PSTPIP2: variants seen among roughly 807,000 people sequenced by gnomAD.
PSTPIP2 encodes the protein proline-serine-threonine phosphatase-interacting protein 2.
In PSTPIP2, 33 loss-of-function variants were observed where a neutral mutation model predicts 63.3. The observed-to-expected ratio is 0.52, with a 90% confidence interval of 0.40 to 0.70. PSTPIP2 has a LOEUF of 0.70. Ranked by LOEUF, PSTPIP2 falls within the 30% of genes least tolerant of loss-of-function variation. PSTPIP2 has a pLI of 0.00. For synonymous variants in PSTPIP2, 125 were observed against 132.7 expected (o/e 0.94, Z 0.40); for missense variants, 312 against 400.7 (o/e 0.78, Z 1.89).
At chr18:46,003,613 T>C (rs563976362) in intron 6 of PSTPIP2, among the ~76,000 whole-genome samples, 1 of 152,166 alleles carries the variant, frequency 6.6e-6, no homozygotes, top group East Asian at 1.9e-4. Context: ...TCTATGACCA[T>C]TGGCATTTCT....
At chr18:46,029,622 A>G in intron 2 of PSTPIP2, 1 of 761,220 alleles carries the variant, frequency 1.3e-6, no homozygotes, top group Non-Finnish European at 2.4e-6. Context: ...ACTTGGTTAC[A>G]GGTGTTAATT....
At chr18:46,032,754 C>CAAA (rs762015034) in intron 2 of PSTPIP2, among the ~76,000 whole-genome samples, 6,744 of 49,862 alleles carry the variant, frequency 0.14, 378 homozygotes, top group African/African-American at 0.17. Context: ...AACTCTGTGT[C>CAAA]AAAAAAAAAA....
intron 3 of PSTPIP2, among the ~76,000 whole-genome samples, chr18:46,020,299 T>C (rs1280008390): frequency 6.6e-6 from 1 of 152,184 alleles, no homozygotes; most frequent in Non-Finnish European, 1.5e-5. Context: ...CAGGTTCCAT[T>C]ATAGATTTGA....
intron 4 of PSTPIP2, among the ~76,000 whole-genome samples, chr18:46,013,423 A>G (rs1366035083): frequency 6.6e-6 from 1 of 152,176 alleles, no homozygotes; most frequent in Non-Finnish European, 1.5e-5. Context: ...CTTAGCTTGG[A>G]AGGGCCAGGT....
At chr18:46,039,868 GA>G (rs1568226002) in intron 2 of PSTPIP2, 78 bp downstream of exon 2, 4 of 1,267,940 alleles carry the variant, frequency 3.2e-6, no homozygotes, top group East Asian at 2.3e-5. Context: ...AAACACAAAT[GA>G]AAAAAAGGAA....
At chr18:46,028,084 C>T (rs543304206) in intron 2 of PSTPIP2, among the ~76,000 whole-genome samples, 7 of 152,326 alleles carry the variant, frequency 4.6e-5, no homozygotes, top group African/African-American at 1.7e-4. Flanking sequence ...TCGCTTGAAC[C>T]CGGGAGGCGG....
chr18:46,030,913 C>T (rs1907768790), intron 2 of PSTPIP2, among the ~76,000 whole-genome samples: 2 of 152,340 alleles, frequency 1.3e-5, no homozygotes, highest in African/African-American at 4.8e-5. Flanking sequence ...TCTGTATAGA[C>T]AACTTGTTTT....
At chr18:45,986,066 C>A (rs560330434) in intron 14 of PSTPIP2, among the ~76,000 whole-genome samples, 1 of 152,230 alleles carries the variant, frequency 6.6e-6, no homozygotes, top group African/African-American at 2.4e-5. Flanking sequence ...CATGAGCCAC[C>A]GTACCGGGAC....
Position 46,072,179 on chromosome 18 carries a change from A to G in PSTPIP2, c.10T>C (p.Ser4Pro). The G allele has an allele frequency of 1.3e-6, 2 of 1,534,746 alleles. No homozygotes were observed. Among genetic ancestry groups the G allele is most frequent in the Non-Finnish European group, 1.8e-6 (2 of 1,140,908 alleles). Reference sequence around the variant, plus strand: ...ACCCAAAAGTTTCCCTTGAACAGTGAGCGCGTCATCGCAGCGCGAGTGGGG... The same window carrying G: ...ACCCAAAAGTTTCCCTTGAACAGTGGGCGCGTCATCGCAGCGCGAGTGGGG... MTR[S>P]LFKGNFWSAD... Residue 4 changes from serine to proline, a missense_variant, in exon 1 of 15, where the codon TCA (serine) becomes CCA (proline). Ser to Pro is a moderately conservative substitution (Grantham distance 74). Coordinates refer to ENST00000409746, the MANE Select transcript of PSTPIP2 (RefSeq NM_024430.4).
At chr18:46,021,546 AT>A (rs1907353159) in intron 3 of PSTPIP2, among the ~76,000 whole-genome samples, 1 of 151,848 alleles carries the variant, frequency 6.6e-6, no homozygotes, top group Non-Finnish European at 1.5e-5. Flanking sequence ...AGCCCTATAA[AT>A]TTAAATTAGA....
chr18:45,995,828 T>G (rs1335729033), intron 9 of PSTPIP2, among the ~76,000 whole-genome samples: 1 of 152,122 alleles, frequency 6.6e-6, no homozygotes, highest in Admixed American at 6.5e-5. Flanking sequence ...CTTTTTGGGT[T>G]TTTTTGAGAT....
intron 3 of PSTPIP2, among the ~76,000 whole-genome samples, 157 bp downstream of exon 3, chr18:46,024,452 T>C (rs964402891): frequency 3.9e-5 from 6 of 152,158 alleles, no homozygotes; most frequent in Admixed American, 2.6e-4. Flanking sequence ...ATCTTGAGTT[T>C]GAGCCCAGCC....
chr18:46,056,377 A>C (rs538399794), intron 1 of PSTPIP2, among the ~76,000 whole-genome samples: 69 of 152,292 alleles, frequency 4.5e-4, no homozygotes, highest in African/African-American at 1.4e-3. Flanking sequence ...TACTAGGATG[A>C]GGCATGGTCG....
At chr18:46,003,892 G>A (rs920217067) in intron 6 of PSTPIP2, among the ~76,000 whole-genome samples, 1 of 151,812 alleles carries the variant, frequency 6.6e-6, no homozygotes, top group African/African-American at 2.4e-5. Context: ...AAGTAGCTGG[G>A]ATTACAGGTG....
chr18:46,022,586 A>C (rs1043983548), intron 3 of PSTPIP2, among the ~76,000 whole-genome samples: 19 of 152,200 alleles, frequency 1.2e-4, no homozygotes, highest in African/African-American at 4.6e-4. Flanking sequence ...AAATGAAAAC[A>C]TGAGACCCCT....
chr18:46,015,791 A>T, intron 4 of PSTPIP2, 112 bp downstream of exon 4: 4 of 1,240,436 alleles, frequency 3.2e-6, no homozygotes, highest in South Asian at 1.4e-5. Flanking sequence ...AGTTGCTCTA[A>T]TTTTTTTTCA....
chr18:46,019,643 A>C (rs145429472), intron 3 of PSTPIP2, among the ~76,000 whole-genome samples: 116 of 152,298 alleles, frequency 7.6e-4, no homozygotes, highest in Non-Finnish European at 1.0e-3. Context: ...TCCACTAAAA[A>C]TACAAAAATT....
chr18:46,064,465 T>C (rs7235089), intron 1 of PSTPIP2, among the ~76,000 whole-genome samples: 2 of 144,616 alleles, frequency 1.4e-5, no homozygotes, highest in Non-Finnish European at 3.0e-5. Flanking sequence ...TAATTTTTTT[T>C]TTTTTTTTTT....
At chr18:46,000,961 T>G (rs1412636010) in intron 6 of PSTPIP2, among the ~76,000 whole-genome samples, 1 of 152,014 alleles carries the variant, frequency 6.6e-6, no homozygotes, top group Non-Finnish European at 1.5e-5. Flanking sequence ...ATAAAGAAAA[T>G]ACGGCACATA....
Sources: gnomAD v4.1 joint callset for allele counts (sites outside exome capture counted in the v4.1 genomes callset) on GRCh38, gnomAD v4.1.1 for gene constraint, MANE v1.5 for transcripts, NCBI Gene and HGNC (gene_info 2026-07-23, HGNC 2026-07-21) for gene names.